RSPO3: variants seen among roughly 807,000 people sequenced by gnomAD.
RSPO3 encodes the protein R-spondin 3, also known as R-spondin-3.
RSPO3 carries 17 observed loss-of-function variants against 36.5 expected under a neutral mutation model. The observed-to-expected ratio is 0.47, with a 90% CI of 0.32 to 0.70. The LOEUF (loss-of-function observed/expected upper bound fraction) is 0.70. RSPO3 is among the 30% of genes least tolerant of loss of function. The pLI, the probability that RSPO3 is intolerant of heterozygous loss-of-function variation, is 0.04. For missense variants in RSPO3, 294 were observed against 322.5 expected (o/e 0.91, Z 0.68); for synonymous variants, 108 against 107.0 (o/e 1.01, Z -0.06).
At chr6:127,157,363 C>T (rs1270341196) in intron 4 of RSPO3, among the ~76,000 whole-genome samples, 1 of 151,982 alleles carries the variant, frequency 6.6e-6, no homozygotes, top group East Asian at 1.9e-4. Context: ...AATTAAATCA[C>T]GATTCTAATT....
In RSPO3 at chr6:127,192,883, G is replaced by T. The variant is rs1000960225; in HGVS notation, c.635-2940G>T. On this transcript the variant is annotated intron_variant, in intron 4 of 4. Coordinates refer to ENST00000356698, the MANE Select transcript of RSPO3 (RefSeq NM_032784.5). ...AAAATATTAACCACATCAATGAAAA[G>T]TCACCAGAATAAAAAAGGAAGTCCC... is the stretch of plus-strand genomic sequence containing the variant. 1.2e-4 allele frequency among the ~76,000 whole-genome samples: 18 copies of T among 152,026 alleles called. 1 individual carries two copies. The highest frequency in any genetic ancestry group is 3.9e-4 in the Admixed American group (6 of 15,250).
chr6:127,160,665 A>G (rs11154386), intron 4 of RSPO3, among the ~76,000 whole-genome samples: 70,497 of 152,058 alleles, frequency 0.46, 16,584 homozygotes, highest in East Asian at 0.53. Flanking sequence ...GGTTGTTGCT[A>G]TGGAAAGGGG....
chr6:127,126,864 C>T (rs926119621), intron 1 of RSPO3, among the ~76,000 whole-genome samples: 1 of 152,060 alleles, frequency 6.6e-6, no homozygotes, highest in Non-Finnish European at 1.5e-5. Flanking sequence ...AGTCAGCCCC[C>T]TAAGCTCTCC....
chr6:127,148,106 A>T (rs1774423073), intron 1 of RSPO3, among the ~76,000 whole-genome samples: 1 of 152,126 alleles, frequency 6.6e-6, no homozygotes, highest in Non-Finnish European at 1.5e-5. Flanking sequence ...ACCATAGTTC[A>T]AAACAGATAT....
At chr6:127,160,671 A>G (rs1196041102) in intron 4 of RSPO3, among the ~76,000 whole-genome samples, 1 of 152,186 alleles carries the variant, frequency 6.6e-6, no homozygotes, top group African/African-American at 2.4e-5. Context: ...TGCTATGGAA[A>G]GGGGTGGTAA....
At chr6:127,146,763 T>C (rs1774392123) in intron 1 of RSPO3, among the ~76,000 whole-genome samples, 1 of 152,162 alleles carries the variant, frequency 6.6e-6, no homozygotes, top group Non-Finnish European at 1.5e-5. Flanking sequence ...TGAGGTCCAC[T>C]CTTCTATAGA....
At chr6:127,168,598 T>C (rs1774873314) in intron 4 of RSPO3, among the ~76,000 whole-genome samples, 1 of 152,100 alleles carries the variant, frequency 6.6e-6, no homozygotes, top group Admixed American at 6.6e-5. Flanking sequence ...AGCTCTTTAG[T>C]TTAATTAGAT....
At chr6:127,131,666 A>G (rs1774059951) in intron 1 of RSPO3, among the ~76,000 whole-genome samples, 1 of 151,794 alleles carries the variant, frequency 6.6e-6, no homozygotes, top group Non-Finnish European at 1.5e-5. Flanking sequence ...ATAAAGACAC[A>G]GACAGCCGAG....
At chr6:127,138,302 T>C (rs1582790210) in intron 1 of RSPO3, among the ~76,000 whole-genome samples, 1 of 152,164 alleles carries the variant, frequency 6.6e-6, no homozygotes, top group Non-Finnish European at 1.5e-5. Context: ...TAGGTGTGTA[T>C]CTTCAGTGAG....
chr6:127,140,970 G>A (rs1233711270), intron 1 of RSPO3, among the ~76,000 whole-genome samples: 1 of 152,148 alleles, frequency 6.6e-6, no homozygotes, highest in East Asian at 1.9e-4. Flanking sequence ...ATGTATTTAA[G>A]GAAGTTTCCC....
In RSPO3 at chr6:127,119,117, T is replaced by G; in HGVS notation, c.-76T>G. Reference sequence around the variant, plus strand: ...TGTCTATATACGCCTAACACCTACATATATTTTAAAAACATTAAATATAAT... The same window carrying G: ...TGTCTATATACGCCTAACACCTACAGATATTTTAAAAACATTAAATATAAT... On this transcript the variant is annotated 5_prime_UTR_variant, in exon 1 of 5. Transcript: ENST00000356698. 1 of 1,177,592 alleles carries G rather than the reference T, an allele frequency of 8.5e-7. No homozygotes were observed. The allele number at this position is 1,177,592 out of a possible 1,614,324, so 72.9% of individuals were successfully genotyped here.
intron 4 of RSPO3, among the ~76,000 whole-genome samples, chr6:127,193,505 T>C (rs1416001500): frequency 6.6e-6 from 1 of 152,168 alleles, no homozygotes; most frequent in East Asian, 1.9e-4. Context: ...TCAGTAGTTT[T>C]TATGGAACTT....
chr6:127,133,102 C>T (rs2503327), intron 1 of RSPO3, among the ~76,000 whole-genome samples: 150,228 of 152,166 alleles, frequency 0.99, 74,173 homozygotes, highest in Middle Eastern at 1. Flanking sequence ...TTTAAGATTT[C>T]TTTGTGAAAA....
intron 3 of RSPO3, among the ~76,000 whole-genome samples, chr6:127,153,900 A>C (rs2114590230): frequency 6.6e-6 from 1 of 152,262 alleles, no homozygotes; most frequent in South Asian, 2.1e-4. Context: ...GCAAGAGATT[A>C]TAATATTATT....
chr6:127,123,072 TA>T (rs1202341238), intron 1 of RSPO3, among the ~76,000 whole-genome samples: 1 of 152,032 alleles, frequency 6.6e-6, no homozygotes, highest in Non-Finnish European at 1.5e-5. Flanking sequence ...AGAGAAAGAA[TA>T]AAAAGGAAAT....
intron 4 of RSPO3, among the ~76,000 whole-genome samples, chr6:127,156,647 T>A (rs1774602242): frequency 6.6e-6 from 1 of 152,184 alleles, no homozygotes; most frequent in Non-Finnish European, 1.5e-5. Flanking sequence ...TATTATATTC[T>A]TACTTTATGG....
intron 1 of RSPO3, among the ~76,000 whole-genome samples, chr6:127,121,245 G>T (rs1773838536): frequency 6.6e-6 from 1 of 152,208 alleles, no homozygotes; most frequent in Admixed American, 6.5e-5. Flanking sequence ...TAGTCCTTTT[G>T]TGCCCACCTC....
At chr6:127,177,476 C>A (rs984290480) in intron 4 of RSPO3, among the ~76,000 whole-genome samples, 2 of 151,738 alleles carry the variant, frequency 1.3e-5, no homozygotes, top group African/African-American at 4.8e-5. Context: ...GTTGGGAAGA[C>A]AACAGGATTG....
Position 127,148,794 on chromosome 6 carries a change from A to C in RSPO3, c.244A>C (p.Ser82Arg). Residue 82 changes from serine (S) to arginine (R), a missense_variant, in exon 2 of 5, where the codon AGT (serine) becomes CGT (arginine). Transcript: ENST00000356698. The part of the protein sequence containing the change: ...QIGVCLSSCP[S>R]GYYGTRYPDI... ...TGGAGTATGTCTCTCTTCATGTCCAAGTGGATATTATGGAACTCGATATCC... is the reference window on the plus strand; with the variant it reads ...TGGAGTATGTCTCTCTTCATGTCCACGTGGATATTATGGAACTCGATATCC... The C allele has an allele frequency of 6.2e-7, 1 of 1,612,888 alleles. No homozygotes were observed. Among genetic ancestry groups the C allele is most frequent in the South Asian group, 1.1e-5 (1 of 90,984 alleles).
Sources: allele counts gnomAD v4.1 joint callset (sites outside exome capture counted in the v4.1 genomes callset), GRCh38; gene constraint gnomAD v4.1.1; transcripts MANE v1.5; gene names NCBI Gene and HGNC (gene_info 2026-07-23, HGNC 2026-07-21).